Variants in ST6GAL2 observed in about 807,000 individuals in gnomAD.
ST6GAL2 encodes beta-galactoside alpha-2,6-sialyltransferase 2.
In ST6GAL2, 24 loss-of-function variants were observed where a neutral mutation model predicts 37.5. The ratio of observed to expected loss-of-function variants is 0.64; its 90% CI spans 0.46 to 0.90. The LOEUF is 0.90. Ranked by LOEUF, ST6GAL2 falls within the 40% of genes least tolerant of loss-of-function variation. The pLI, the probability that ST6GAL2 is intolerant of heterozygous loss-of-function variation, is 0.00. For synonymous variants in ST6GAL2, 306 were observed against 295.1 expected (o/e 1.04, Z -0.38); for missense variants, 715 against 712.7 (o/e 1.00, Z -0.04).
Position 106,806,822 on chromosome 2 carries a change from GT to G in ST6GAL2, c.1445del (p.Tyr482SerfsTer14), listed in dbSNP as rs760987570. 7 of 1,614,050 alleles carry G rather than the reference GT, an allele frequency of 4.3e-6. No homozygotes were observed. The highest frequency in any genetic ancestry group is 5.1e-6 in the Non-Finnish European group (6 of 1,180,044). ...GGAGCTTCTCATAGAGTAGTGGGTGGTACGCCCCGAGGGTGCAGGCTGCGTC... is the reference window on the plus strand; with the variant it reads ...GGAGCTTCTCATAGAGTAGTGGGTGGACGCCCCGAGGGTGCAGGCTGCGTC... ...YYDAACTLGA[Y>X]HPLLYEKLLV... On this transcript the variant is annotated frameshift_variant, in exon 6 of 6. Coordinates refer to ENST00000409382, the MANE Select transcript of ST6GAL2 (RefSeq NM_001142351.2). LOFTEE classifies it low-confidence loss of function (END_TRUNC).
At chr2:106,858,637 A>G (rs1410278357) in intron 1 of ST6GAL2, among the ~76,000 whole-genome samples, 1 of 152,218 alleles carries the variant, frequency 6.6e-6, no homozygotes, top group Non-Finnish European at 1.5e-5. Context: ...TGGGAGTTGA[A>G]GTAGATGAGT....
chr2:106,806,793 A>C lies in ST6GAL2; in HGVS notation c.1475T>G (p.Val492Gly). Reference protein sequence around the residue: ...YHPLLYEKLLVQRLNMGTQGD... With the variant: ...YHPLLYEKLLGQRLNMGTQGD... ...CTGCGTGCCCATGTTCAGGCGCTGC[A>C]CCAGGAGCTTCTCATAGAGTAGTGG... Residue 492 changes from valine (V) to glycine (G), a missense_variant, in exon 6 of 6, where the codon GTG becomes GGG. Val to Gly is a moderately radical substitution (Grantham distance 109, BLOSUM62 -3). Transcript: ENST00000409382. 1 of 1,614,192 alleles carries C rather than the reference A, an allele frequency of 6.2e-7. No homozygotes were observed. Among genetic ancestry groups the C allele is most frequent in the Non-Finnish European group, 8.5e-7 (1 of 1,180,022 alleles).
At chr2:106,832,452 T>C (rs1192859760) in intron 4 of ST6GAL2, 113 bp downstream of exon 4, 3 of 614,536 alleles carry the variant, frequency 4.9e-6, no homozygotes, top group Middle Eastern at 2.6e-4. Flanking sequence ...TAAATTGATA[T>C]TGATGGGTAC....
intron 1 of ST6GAL2, among the ~76,000 whole-genome samples, chr2:106,860,813 G>A (rs1677768943): frequency 6.6e-6 from 1 of 152,120 alleles, no homozygotes; most frequent in East Asian, 1.9e-4. Context: ...AAATGGTTTT[G>A]GCTAAAACTC....
At chr2:106,828,060 T>C (rs1348053856) in intron 5 of ST6GAL2, among the ~76,000 whole-genome samples, 1 of 152,184 alleles carries the variant, frequency 6.6e-6, no homozygotes, top group Non-Finnish European at 1.5e-5. Context: ...TCTCAGTAAA[T>C]AGCTTTAAAA....
intron 1 of ST6GAL2, among the ~76,000 whole-genome samples, chr2:106,883,876 C>T (rs1573335416): frequency 6.6e-6 from 1 of 152,178 alleles, no homozygotes; most frequent in South Asian, 2.1e-4. Flanking sequence ...TAGCAATCTG[C>T]AAACTAATTA....
intron 1 of ST6GAL2, among the ~76,000 whole-genome samples, chr2:106,872,750 C>T (rs1161196764): frequency 1.1e-4 from 17 of 152,030 alleles, no homozygotes; most frequent in Admixed American, 9.2e-4. Context: ...TACAGGCGCC[C>T]GCCACCACAC....
chr2:106,851,167 T>C (rs145526523), intron 1 of ST6GAL2, among the ~76,000 whole-genome samples: 141 of 152,366 alleles, frequency 9.3e-4, no homozygotes, highest in African/African-American at 3.2e-3. Context: ...GTTCTCTGCC[T>C]ATTTGGACTA....
intron 5 of ST6GAL2, among the ~76,000 whole-genome samples, chr2:106,808,493 GT>G (rs1675498369): frequency 6.6e-6 from 1 of 152,194 alleles, no homozygotes; most frequent in Non-Finnish European, 1.5e-5. Context: ...AATTCCTCTT[GT>G]TTTTCTCCCA....
intron 1 of ST6GAL2, among the ~76,000 whole-genome samples, chr2:106,861,241 C>T (rs576131364): frequency 1.3e-5 from 2 of 152,272 alleles, no homozygotes; most frequent in African/African-American, 4.8e-5. Context: ...GCTTTAATAT[C>T]CATATTAAAC....
chr2:106,876,495 A>C (rs1678507783), intron 1 of ST6GAL2, among the ~76,000 whole-genome samples: 1 of 152,214 alleles, frequency 6.6e-6, no homozygotes, highest in South Asian at 2.1e-4. Flanking sequence ...AAAAAAGATA[A>C]ATTGTTTAAA....
At chr2:106,861,950 C>A (rs1261921144) in intron 1 of ST6GAL2, among the ~76,000 whole-genome samples, 1 of 152,118 alleles carries the variant, frequency 6.6e-6, no homozygotes, top group Admixed American at 6.6e-5. Context: ...TGGCATCCAA[C>A]CTCATTCATT....
At chr2:106,832,814 G>C (rs1167849179) in intron 3 of ST6GAL2, 148 bp from the exon 4 acceptor site, 2 of 673,348 alleles carry the variant, frequency 3.0e-6, no homozygotes, top group Admixed American at 2.4e-5. Flanking sequence ...AGAGAGGCAG[G>C]CGTTGCATGC....
At chr2:106,820,217 A>G (rs1675949377) in intron 5 of ST6GAL2, among the ~76,000 whole-genome samples, 1 of 152,100 alleles carries the variant, frequency 6.6e-6, no homozygotes, top group Non-Finnish European at 1.5e-5. Flanking sequence ...TCTATTGCCT[A>G]CAAGAAACAC....
intron 1 of ST6GAL2, among the ~76,000 whole-genome samples, chr2:106,872,184 A>C (rs193187266): frequency 2.0e-5 from 3 of 152,334 alleles, no homozygotes; most frequent in African/African-American, 7.2e-5. Flanking sequence ...CACTGACTGA[A>C]TGTTGTATGT....
At chr2:106,832,753 T>C (rs1278303394) in intron 3 of ST6GAL2, 87 bp from the exon 4 acceptor site, 6 of 870,352 alleles carry the variant, frequency 6.9e-6, no homozygotes, top group East Asian at 5.0e-5. Flanking sequence ...TAAAAAGAAC[T>C]GGGGCAAAAA....
At chr2:106,872,283 T>C (rs1299506959) in intron 1 of ST6GAL2, among the ~76,000 whole-genome samples, 2 of 152,262 alleles carry the variant, frequency 1.3e-5, no homozygotes, top group East Asian at 3.9e-4. Context: ...TCAAGTTTTC[T>C]TCTTTGCCTG....
intron 5 of ST6GAL2, among the ~76,000 whole-genome samples, chr2:106,808,034 G>C (rs186735590): frequency 2.0e-5 from 3 of 152,246 alleles, no homozygotes; most frequent in East Asian, 3.9e-4. Flanking sequence ...TTCTGAAAGG[G>C]ATGTCCCTTG....
intron 5 of ST6GAL2, among the ~76,000 whole-genome samples, chr2:106,814,218 A>G (rs1249769771): frequency 1.3e-5 from 2 of 152,206 alleles, no homozygotes; most frequent in African/African-American, 4.8e-5. Flanking sequence ...AAAATACAAA[A>G]AGTTGTTCCT....
Sources: allele counts gnomAD v4.1 joint callset (sites outside exome capture counted in the v4.1 genomes callset), GRCh38; gene constraint gnomAD v4.1.1; transcripts MANE v1.5; gene names NCBI Gene and HGNC (gene_info 2026-07-23, HGNC 2026-07-21).